The following DOCK11 variants were observed in gnomAD, a reference collection of about 807,000 sequenced individuals.
The protein encoded by DOCK11 is dedicator of cytokinesis protein 11.
A neutral mutation model predicts 169.1 loss-of-function variants in DOCK11; 70 were observed. The ratio of observed to expected loss-of-function variants is 0.41; its 90% CI spans 0.34 to 0.51. The LOEUF (loss-of-function observed/expected upper bound fraction) is 0.51. Among genes scored for constraint, DOCK11 ranks in the 20% least tolerant of loss-of-function variants. DOCK11 has a pLI of 0.10. For synonymous variants in DOCK11, 529 were observed against 541.3 expected (o/e 0.98, Z 0.32); for missense variants, 1,166 against 1,538.8 (o/e 0.76, Z 4.05).
intron 18 of DOCK11, among the ~76,000 whole-genome samples, chrX:118,588,738 C>T: frequency 8.9e-6 from 1 of 112,070 alleles, no homozygotes. Context: ...TGCTTCAATG[C>T]CCAATTGCAA....
In DOCK11 at chrX:118,542,958, G is replaced by A. The variant is rs1225145674; in HGVS notation, c.252G>A (p.Val84=). ...ISVIGRQRRT[V]QSTVPEDAEK... ...TGATAGGTCGTCAACGCAGAACGGT[G>A]CAGTCTACTGTACCAGAAGATGCTG... is the stretch of plus-strand genomic sequence containing the variant. Residue 84 remains valine, a synonymous_variant, in exon 3 of 53, where the codon GTG becomes GTA. Transcript: ENST00000276202. 1.7e-6 allele frequency: 2 copies of A among 1,211,103 alleles called. No individual in the cohort carries two copies. The highest frequency in any genetic ancestry group is 3.5e-5 in the South Asian group (2 of 56,992).
chrX:118,509,864 A>G (rs2091034225), intron 1 of DOCK11, among the ~76,000 whole-genome samples: 1 of 111,910 alleles, frequency 8.9e-6, no homozygotes, highest in African/African-American at 3.3e-5. Flanking sequence ...GAGGATGCCC[A>G]CATTCCTTGG....
chrX:118,524,398 C>T (rs2011326881), intron 1 of DOCK11, among the ~76,000 whole-genome samples: 1 of 111,414 alleles, frequency 9.0e-6, no homozygotes, highest in Non-Finnish European at 1.9e-5. Flanking sequence ...TTGTCGGTGT[C>T]CTCTGATTTT....
At chrX:118,615,512 C>A in intron 29 of DOCK11, 88 bp from the exon 30 acceptor site, 1 of 736,064 alleles carries the variant, frequency 1.4e-6, no homozygotes. Context: ...TAAGCACTTC[C>A]GTTGTGAAAA....
chrX:118,636,267 C>A, intron 35 of DOCK11, 79 bp from the exon 36 acceptor site: 1 of 532,522 alleles, frequency 1.9e-6, no homozygotes. Flanking sequence ...GTCCTTGAAG[C>A]TACATAGGAC....
chrX:118,543,649 CT>C, intron 4 of DOCK11, 56 bp downstream of exon 4: 2 of 1,028,555 alleles, frequency 1.9e-6, no homozygotes, highest in Non-Finnish European at 2.7e-6. Flanking sequence ...GCTTTTTTAC[CT>C]TGTTAAAACC....
chrX:118,597,215 G>T (rs1377352175), intron 20 of DOCK11, among the ~76,000 whole-genome samples: 2 of 111,640 alleles, frequency 1.8e-5, no homozygotes, highest in Non-Finnish European at 3.8e-5. Context: ...TATGGTCAAA[G>T]AAATAGAGTA....
chrX:118,495,868 A>C lies in DOCK11; in HGVS notation c.-104A>C. 1 of 355,206 alleles carries C rather than the reference A, an allele frequency of 2.8e-6. No homozygotes were observed. The highest frequency in any genetic ancestry group is 3.8e-6 in the Non-Finnish European group (1 of 260,838). The allele number at this position is 355,206 out of a possible 1,213,427, so 29.3% of individuals were successfully genotyped here. On this transcript the variant is annotated 5_prime_UTR_variant, in exon 1 of 53. Coordinates refer to ENST00000276202, the MANE Select transcript of DOCK11 (RefSeq NM_144658.4). ...GATGTGGCCGGCCGGCCGGCGAGTA[A>C]ACAGAGGGAGCAGCAGCGGCCGCGG...
chrX:118,599,025 C>A, intron 22 of DOCK11, 114 bp from the exon 23 acceptor site: 1 of 573,155 alleles, frequency 1.7e-6, no homozygotes, highest in Admixed American at 3.0e-5. Context: ...TGAGCCTGGG[C>A]ATTAGAATAC....
intron 24 of DOCK11, among the ~76,000 whole-genome samples, chrX:118,605,688 A>T (rs1435598936): frequency 8.9e-6 from 1 of 111,894 alleles, no homozygotes; most frequent in East Asian, 2.8e-4. Context: ...GTGTGGCCTA[A>T]CATATATGGT....
At chrX:118,543,624 C>CA in intron 4 of DOCK11, 31 bp downstream of exon 4, 1 of 1,131,914 alleles carries the variant, frequency 8.8e-7, no homozygotes, top group Non-Finnish European at 1.2e-6. Context: ...AAACATGCAA[C>CA]AGGAGAATTA....
intron 45 of DOCK11, among the ~76,000 whole-genome samples, chrX:118,665,050 C>T (rs748571429): frequency 2.1e-4 from 23 of 112,017 alleles, no homozygotes; most frequent in African/African-American, 6.5e-4. Context: ...ACTATTTCTA[C>T]ATAGTCTGTC....
intron 23 of DOCK11, among the ~76,000 whole-genome samples, chrX:118,600,960 A>C (rs889967438): frequency 9.0e-6 from 1 of 110,651 alleles, no homozygotes; most frequent in Admixed American, 9.6e-5. Context: ...GTTTGAATTT[A>C]CTCCGAGTGA....
chrX:118,653,687 T>G (rs986257805), intron 42 of DOCK11, among the ~76,000 whole-genome samples: 2 of 111,963 alleles, frequency 1.8e-5, no homozygotes, highest in African/African-American at 6.5e-5. Flanking sequence ...GTGCTGGGAT[T>G]ACAGTCATGA....
chrX:118,543,066 A>T, intron 3 of DOCK11, 51 bp downstream of exon 3: 1 of 938,521 alleles, frequency 1.1e-6, no homozygotes, highest in South Asian at 2.2e-5. Flanking sequence ...TTTAAAATAT[A>T]TACAGTATTT....
At chrX:118,677,602 T>C (rs756189639) in intron 48 of DOCK11, among the ~76,000 whole-genome samples, 1 of 112,698 alleles carries the variant, frequency 8.9e-6, no homozygotes, top group Non-Finnish European at 1.9e-5. Context: ...AAAAAGCCCA[T>C]GGCTATTGTA....
At chrX:118,583,197 A>G (rs1179560752) in intron 14 of DOCK11, among the ~76,000 whole-genome samples, 1 of 111,149 alleles carries the variant, frequency 9.0e-6, no homozygotes, top group Non-Finnish European at 1.9e-5. Context: ...CAAACACCGC[A>G]TGTTCTCACT....
Position 118,566,165 on chromosome X carries a change from C to T in DOCK11, c.854C>T (p.Thr285Met), listed in dbSNP as rs375037130. 3.7e-5 allele frequency: 44 copies of T among 1,198,515 alleles called. No individual in the cohort carries two copies. The South Asian group carries it at 3.8e-4, about 10-fold the overall frequency. The change falls in exon 8 of 53, where the codon ACG becomes ATG. Residue 285 changes from threonine (T) to methionine (M), a missense_variant. Physicochemically the swap from Thr to Met is moderately conservative, Grantham distance 81. Transcript: ENST00000276202. ...AGTTTAGTTCAAGAAAAAAAGGAGA[C>T]GGTAGAAACAGCACAAGGTCAGAAT... ...TDSLVQEKKE[T>M]VETAQDDETS...
At chrX:118,583,707 A>G (rs1036404007) in intron 14 of DOCK11, among the ~76,000 whole-genome samples, 2 of 111,329 alleles carry the variant, frequency 1.8e-5, no homozygotes, top group African/African-American at 6.5e-5. Flanking sequence ...TGGTTCCAGG[A>G]TCTCCCACAG....
Sources: gnomAD v4.1 joint callset for allele counts (sites outside exome capture counted in the v4.1 genomes callset) on GRCh38, gnomAD v4.1.1 for gene constraint, MANE v1.5 for transcripts, NCBI Gene and HGNC (gene_info 2026-07-23, HGNC 2026-07-21) for gene names.